Variants in CTNNA2 observed in about 807,000 individuals in gnomAD.
CTNNA2 encodes catenin alpha-2.
CTNNA2 carries 42 observed loss-of-function variants against 101.0 expected under a neutral mutation model. The ratio of observed to expected loss-of-function variants is 0.42; its 90% confidence interval spans 0.32 to 0.54. The LOEUF (loss-of-function observed/expected upper bound fraction) is 0.54. Among genes scored for constraint, CTNNA2 ranks in the 20% least tolerant of loss-of-function variants. The pLI, the probability that CTNNA2 is intolerant of heterozygous loss-of-function variation, is 0.14. For missense variants in CTNNA2, 871 were observed against 1,223.1 expected, an observed-to-expected ratio of 0.71 and a Z score of 4.29; for synonymous variants, 450 against 456.4, an observed-to-expected ratio of 0.99 and a Z score of 0.18.
intron 4 of CTNNA2, among the ~76,000 whole-genome samples, chr2:79,863,839 C>G (rs1035847393): frequency 1.3e-5 from 2 of 152,096 alleles, no homozygotes; most frequent in African/African-American, 4.8e-5. Flanking sequence ...TATAATGGAG[C>G]TTGCTAGAAA....
At chr2:80,293,845 G>A (rs969966483) in intron 7 of CTNNA2, among the ~76,000 whole-genome samples, 2 of 152,118 alleles carry the variant, frequency 1.3e-5, no homozygotes, top group African/African-American at 4.8e-5. Context: ...TGCCTATTTG[G>A]TTGTCTCTTG....
At chr2:79,903,154 G>A (rs1165126446) in intron 6 of CTNNA2, among the ~76,000 whole-genome samples, 3 of 152,140 alleles carry the variant, frequency 2.0e-5, no homozygotes, top group Non-Finnish European at 4.4e-5. Flanking sequence ...AGTGTTAGAG[G>A]TCTAGGTTTT....
At chr2:80,349,624 A>G (rs923901713) in intron 7 of CTNNA2, among the ~76,000 whole-genome samples, 3 of 150,566 alleles carry the variant, frequency 2.0e-5, no homozygotes, top group Admixed American at 2.0e-4. Flanking sequence ...ACTGCCTCCC[A>G]CTTTATTTTC....
At chr2:79,577,116 G>A (rs904379773) in intron 1 of CTNNA2, among the ~76,000 whole-genome samples, 1 of 152,030 alleles carries the variant, frequency 6.6e-6, no homozygotes, top group African/African-American at 2.4e-5. Flanking sequence ...CTTAATTCAT[G>A]TGTTTTAGAT....
At position 79,420,135 on chromosome 2, in the gene CTNNA2, G is replaced by T. The variant is rs553357555; in HGVS notation, c.-135+46122G>T. Among the ~76,000 whole-genome samples, 11 of 152,192 alleles carry T rather than the reference G, an allele frequency of 7.2e-5. No homozygotes were observed. The South Asian group carries it at 2.3e-3, about 32-fold the overall frequency. ...AGTGCTCAGCCTAAGATATGACTCT[G>T]GGTCCCTGGAAACTGCTGAGTCAAA... On this transcript the variant is annotated intron_variant, in intron 4 of 21. Transcript: ENST00000466387.
chr2:80,058,153 C>T (rs1697350058), intron 7 of CTNNA2, among the ~76,000 whole-genome samples: 1 of 152,228 alleles, frequency 6.6e-6, no homozygotes, highest in South Asian at 2.1e-4. Flanking sequence ...ATCTGCTCTG[C>T]AGTTTCTCTT....
intron 4 of CTNNA2, among the ~76,000 whole-genome samples, chr2:79,500,413 G>T (rs1029910035): frequency 5.3e-5 from 8 of 152,166 alleles, no homozygotes; most frequent in African/African-American, 1.7e-4. Flanking sequence ...ATAAACTCGA[G>T]TCAAACTTTT....
chr2:79,320,010 T>C (rs1450343888), intron 3 of CTNNA2: 2 of 152,164 alleles, frequency 1.3e-5, no homozygotes, highest in East Asian at 3.9e-4. Context: ...TATCCTTCAG[T>C]AAGTATTTAT....
At chr2:79,651,412 T>C in intron 1 of CTNNA2, 140 bp from the exon 2 acceptor site, 2 of 747,196 alleles carry the variant, frequency 2.7e-6, no homozygotes, top group Non-Finnish European at 4.4e-6. Context: ...GGTTTTTCCA[T>C]CTCTAATTTG....
At chr2:79,663,285 C>T (rs147173994) in intron 2 of CTNNA2, among the ~76,000 whole-genome samples, 1 of 152,306 alleles carries the variant, frequency 6.6e-6, no homozygotes, top group East Asian at 1.9e-4. Flanking sequence ...ATTCGGCAAC[C>T]AGAGTGATCA....
intron 1 of CTNNA2, chr2:79,195,895 G>T (rs1213885060): frequency 8.1e-6 from 4 of 492,858 alleles, no homozygotes; most frequent in African/African-American, 3.9e-5. Flanking sequence ...AGGGGGCAGA[G>T]GTGCAGAGGT....
At chr2:80,530,805 G>A (rs1485667452) in intron 9 of CTNNA2, among the ~76,000 whole-genome samples, 1 of 152,176 alleles carries the variant, frequency 6.6e-6, no homozygotes, top group African/African-American at 2.4e-5. Context: ...CCTACCACCT[G>A]GTCTGGGAAT....
chr2:79,332,352 T>C (rs1005754954), intron 3 of CTNNA2, among the ~76,000 whole-genome samples: 1 of 150,304 alleles, frequency 6.7e-6, no homozygotes, highest in African/African-American at 2.4e-5. Flanking sequence ...AGCAATGTAA[T>C]CAGTAAGAAA....
intron 7 of CTNNA2, among the ~76,000 whole-genome samples, chr2:79,990,606 C>T (rs74921875): frequency 0.025 from 3,764 of 152,176 alleles, 173 homozygotes; most frequent in African/African-American, 0.086. Flanking sequence ...TAGAATAGAG[C>T]CTGCCATAAA....
At chr2:79,969,971 C>T (rs993172876) in intron 7 of CTNNA2, among the ~76,000 whole-genome samples, 9 of 152,058 alleles carry the variant, frequency 5.9e-5, no homozygotes, top group African/African-American at 9.7e-5. Context: ...CTAGATGGCA[C>T]GATTTGAAAG....
intron 8 of CTNNA2, among the ~76,000 whole-genome samples, chr2:80,394,700 G>A (rs1677837502): frequency 1.3e-5 from 2 of 152,166 alleles, no homozygotes; most frequent in African/African-American, 4.8e-5. Context: ...TAAACTGGCA[G>A]TGTGATTGTG....
chr2:79,365,976 G>A (rs529421177), intron 3 of CTNNA2, among the ~76,000 whole-genome samples: 7 of 152,298 alleles, frequency 4.6e-5, no homozygotes, highest in Middle Eastern at 6.8e-3. Flanking sequence ...GAGGGTTAAT[G>A]TTCAGTTCAT....
intron 7 of CTNNA2, among the ~76,000 whole-genome samples, chr2:80,131,646 T>A (rs1160081304): frequency 6.6e-6 from 1 of 152,120 alleles, no homozygotes; most frequent in African/African-American, 2.4e-5. Flanking sequence ...AGCCCACAGA[T>A]TCCATGGCTC....
chr2:80,581,493 TAATA>T (rs564442923), intron 13 of CTNNA2, among the ~76,000 whole-genome samples: 7 of 152,244 alleles, frequency 4.6e-5, no homozygotes, highest in South Asian at 2.1e-4. Context: ...TATGAGGAAA[TAATA>T]AATAAAATAT....
Sources: allele counts gnomAD v4.1 joint callset (sites outside exome capture counted in the v4.1 genomes callset), GRCh38; gene constraint gnomAD v4.1.1; transcripts MANE v1.5; gene names NCBI Gene and HGNC (gene_info 2026-07-23, HGNC 2026-07-21).